Variants in PHACTR1 observed in about 807,000 individuals in gnomAD.
PHACTR1 encodes the protein RPEL repeat containing 1.
PHACTR1 carries 16 observed loss-of-function variants against 69.2 expected under a neutral mutation model. The observed-to-expected ratio is 0.23, with a 90% CI of 0.16 to 0.35. The LOEUF (loss-of-function observed/expected upper bound fraction) is 0.35. Among genes scored for constraint, PHACTR1 ranks in the 10% least tolerant of loss-of-function variants. PHACTR1 has a pLI of 1.00. For synonymous variants in PHACTR1, 312 were observed against 284.5 expected, an observed-to-expected ratio of 1.10 and a Z score of -0.97; for missense variants, 510 against 734.7, an observed-to-expected ratio of 0.69 and a Z score of 3.54.
chr6:13,244,371 A>G (rs1773292784), intron 10 of PHACTR1, among the ~76,000 whole-genome samples: 1 of 152,220 alleles, frequency 6.6e-6, no homozygotes, highest in Non-Finnish European at 1.5e-5. Context: ...ATTGTCATTG[A>G]TAAAACATCT....
intron 7 of PHACTR1, among the ~76,000 whole-genome samples, chr6:13,193,357 G>A (rs74290176): frequency 1.5e-4 from 10 of 68,196 alleles, no homozygotes; most frequent in South Asian, 8.1e-4. Flanking sequence ...AGCTCTCTGT[G>A]TATATATATA....
At chr6:13,256,666 C>G (rs191771184) in intron 10 of PHACTR1, among the ~76,000 whole-genome samples, 1 of 152,322 alleles carries the variant, frequency 6.6e-6, no homozygotes, top group East Asian at 1.9e-4. Flanking sequence ...TTCCACAGAT[C>G]CCTAGGGCAG....
chr6:13,036,809 A>C (rs4367379), intron 4 of PHACTR1, among the ~76,000 whole-genome samples: 1 of 152,024 alleles, frequency 6.6e-6, no homozygotes, highest in Admixed American at 6.5e-5. Flanking sequence ...AATCTTAACT[A>C]CAGTGGTTTG....
At chr6:13,217,042 A>G (rs1044857611) in intron 8 of PHACTR1, among the ~76,000 whole-genome samples, 3 of 152,180 alleles carry the variant, frequency 2.0e-5, no homozygotes, top group Admixed American at 2.0e-4. Context: ...CTTCTTGGAA[A>G]CCATCGTCCA....
intron 4 of PHACTR1, among the ~76,000 whole-genome samples, chr6:12,945,888 C>T (rs1790614083): frequency 6.6e-6 from 1 of 151,862 alleles, no homozygotes; most frequent in African/African-American, 2.4e-5. Flanking sequence ...TGCTTGAACC[C>T]AGGAGGTGGA....
intron 5 of PHACTR1, among the ~76,000 whole-genome samples, chr6:13,101,056 G>A (rs1815077676): frequency 6.6e-6 from 1 of 152,142 alleles, no homozygotes; most frequent in South Asian, 2.1e-4. Flanking sequence ...ATGTGTCTTA[G>A]TCCATTTTGT....
At chr6:13,142,621 A>G (rs1005823278) in intron 5 of PHACTR1, among the ~76,000 whole-genome samples, 2 of 152,052 alleles carry the variant, frequency 1.3e-5, no homozygotes, top group Admixed American at 6.6e-5. Context: ...TTGCATGAGG[A>G]TATTCAGTTG....
intron 4 of PHACTR1, among the ~76,000 whole-genome samples, chr6:13,034,673 C>T (rs577302125): frequency 8.5e-5 from 13 of 152,212 alleles, no homozygotes; most frequent in Non-Finnish European, 1.9e-4. Context: ...CTTAAATTTT[C>T]TGACTATGGC....
chr6:12,851,742 G>A (rs898302920), intron 4 of PHACTR1, among the ~76,000 whole-genome samples: 3 of 152,052 alleles, frequency 2.0e-5, no homozygotes, highest in Non-Finnish European at 2.9e-5. Context: ...ACACAATCAG[G>A]CATTGCTCTG....
chr6:12,767,403 A>T (rs991159170), intron 4 of PHACTR1, among the ~76,000 whole-genome samples: 2 of 152,226 alleles, frequency 1.3e-5, no homozygotes, highest in Admixed American at 6.5e-5. Flanking sequence ...ATCATATTTC[A>T]GTTTCTGCAA....
chr6:13,284,850 A>C (rs892021356), intron 13 of PHACTR1, among the ~76,000 whole-genome samples: 3 of 152,126 alleles, frequency 2.0e-5, no homozygotes, highest in Non-Finnish European at 4.4e-5. Flanking sequence ...AGGCAGATAG[A>C]CTTCCAGAGA....
chr6:12,937,137 C>G (rs965539156), intron 4 of PHACTR1, among the ~76,000 whole-genome samples: 1 of 152,132 alleles, frequency 6.6e-6, no homozygotes, highest in Non-Finnish European at 1.5e-5. Context: ...CTGATCTAAC[C>G]GATTTCAGGT....
chr6:13,154,811 A>G (rs1757936207), intron 5 of PHACTR1, among the ~76,000 whole-genome samples: 1 of 151,496 alleles, frequency 6.6e-6, no homozygotes, highest in African/African-American at 2.4e-5. Flanking sequence ...CTTCTTCTAA[A>G]TTCTTTAACT....
At chr6:13,150,394 G>A (rs1824122042) in intron 5 of PHACTR1, among the ~76,000 whole-genome samples, 1 of 151,982 alleles carries the variant, frequency 6.6e-6, no homozygotes, top group South Asian at 2.1e-4. Context: ...TTAGTGATTC[G>A]ATAAGCTTTC....
At chr6:13,181,074 A>AT (rs769085569) in intron 6 of PHACTR1, among the ~76,000 whole-genome samples, 1 of 151,122 alleles carries the variant, frequency 6.6e-6, no homozygotes, top group Non-Finnish European at 1.5e-5. Flanking sequence ...CATTCATTAT[A>AT]TTTTTTCTAT....
rs1190976813 is a variant in PHACTR1, at chr6:12,792,490, A to AG, written c.250+42700_250+42701insG. Among the ~76,000 whole-genome samples, 3 of 146,644 alleles carry AG rather than the reference A, an allele frequency of 2.0e-5. No homozygotes were observed. The East Asian group carries it at 5.8e-4, about 28-fold the overall frequency. ...AAAAAAAAAAAAAAAAAAAAAAAAAAAAAGAAGATTTCTGACATCATCCTG... is the reference window on the plus strand; with the variant it reads ...AAAAAAAAAAAAAAAAAAAAAAAAAAGAAAGAAGATTTCTGACATCATCCTG... On this transcript the variant is annotated intron_variant, in intron 4 of 14. Coordinates refer to ENST00000332995, the MANE Select transcript of PHACTR1 (RefSeq NM_030948.6).
intron 4 of PHACTR1, among the ~76,000 whole-genome samples, chr6:12,856,255 CTTTT>C (rs66541950): frequency 7.4e-6 from 1 of 135,806 alleles, no homozygotes; most frequent in African/African-American, 2.8e-5. Context: ...TTCTTTCTTT[CTTTT>C]TTTTTTTTTC....
chr6:13,153,162 G>A (rs540394499), intron 5 of PHACTR1, among the ~76,000 whole-genome samples: 1 of 152,332 alleles, frequency 6.6e-6, no homozygotes, highest in African/African-American at 2.4e-5. Flanking sequence ...TCCAGGGTCG[G>A]CAAGGCTCCG....
intron 4 of PHACTR1, among the ~76,000 whole-genome samples, chr6:12,938,868 C>G (rs1376228650): frequency 6.6e-6 from 1 of 152,018 alleles, no homozygotes; most frequent in African/African-American, 2.4e-5. Flanking sequence ...GATTTATTCA[C>G]GTTGTTGCAG....
Sources: allele counts gnomAD v4.1 joint callset (sites outside exome capture counted in the v4.1 genomes callset), GRCh38; gene constraint gnomAD v4.1.1; transcripts MANE v1.5; gene names NCBI Gene and HGNC (gene_info 2026-07-23, HGNC 2026-07-21).